Variants in UTS2 observed in about 807,000 individuals in gnomAD.
UTS2 encodes urotensin-2.
Under a neutral mutation model 12.6 loss-of-function variants are expected in UTS2, and 10 were observed. The ratio of observed to expected loss-of-function variants is 0.80; its 90% confidence interval spans 0.49 to 1.35. The LOEUF is 1.35. UTS2 is among the 40% of genes most tolerant of loss of function. UTS2 has a pLI of 0.00. For synonymous variants in UTS2, 52 were observed against 50.0 expected (o/e 1.04, Z -0.17); for missense variants, 142 against 143.2 (o/e 0.99, Z 0.04).
At chr1:7,910,545 T>C in the UTS2 span, among the ~76,000 whole-genome samples, 42 of 152,294 alleles carry the variant, frequency 2.8e-4, no homozygotes, top group East Asian at 4.6e-3. Context: ...AGCATAAAAA[T>C]TGACGTCTGT....
chr1:7,873,178 CA>C, the UTS2 span, among the ~76,000 whole-genome samples: 4 of 152,220 alleles, frequency 2.6e-5, no homozygotes, highest in South Asian at 8.3e-4. Flanking sequence ...TGCTCGCAAA[CA>C]GTGCACATGG....
At chr1:7,858,875 G>A in the UTS2 span, among the ~76,000 whole-genome samples, 18 of 152,232 alleles carry the variant, frequency 1.2e-4, no homozygotes, top group South Asian at 1.7e-3. Flanking sequence ...GAGCCACCAC[G>A]CCCAGCTGGT....
At chr1:7,860,699 G>A in the UTS2 span, among the ~76,000 whole-genome samples, 6 of 152,018 alleles carry the variant, frequency 3.9e-5, no homozygotes, top group East Asian at 9.9e-4. Context: ...CTCCCAAGGT[G>A]CTGGGATTAC....
At chr1:7,901,834 C>G in the UTS2 span, among the ~76,000 whole-genome samples, 2 of 152,148 alleles carry the variant, frequency 1.3e-5, no homozygotes, top group Admixed American at 6.6e-5. Context: ...AGGATCCACA[C>G]AGACTGGCCC....
At chr1:7,901,552 T>C in the UTS2 span, among the ~76,000 whole-genome samples, 1 of 152,162 alleles carries the variant, frequency 6.6e-6, no homozygotes, top group Admixed American at 6.6e-5. Flanking sequence ...TATGTATGTA[T>C]GTAAATATAT....
the UTS2 span, among the ~76,000 whole-genome samples, chr1:7,882,306 G>T: frequency 6.6e-5 from 10 of 152,142 alleles, no homozygotes; most frequent in Non-Finnish European, 1.3e-4. Flanking sequence ...CTGCACTCCA[G>T]CCTGGGCAAC....
At chr1:7,861,272 T>C in the UTS2 span, among the ~76,000 whole-genome samples, 164 of 152,136 alleles carry the variant, frequency 1.1e-3, 1 homozygote, top group Admixed American at 2.6e-3. Context: ...GTGATTTGGT[T>C]TGGAAGTGTT....
chr1:7,879,376 T>C, the UTS2 span, among the ~76,000 whole-genome samples: 4 of 152,072 alleles, frequency 2.6e-5, no homozygotes, highest in Non-Finnish European at 5.9e-5. Flanking sequence ...ACTACACAAA[T>C]ACATGGAAAT....
At chr1:7,887,030 G>C in the UTS2 span, among the ~76,000 whole-genome samples, 1 of 95,524 alleles carries the variant, frequency 1.0e-5, no homozygotes, top group East Asian at 3.6e-4. Context: ...GACAGGGCAA[G>C]ACTCCGTCTC....
chr1:7,857,069 G>A (rs1236739293), upstream of UTS2, among the ~76,000 whole-genome samples: 1 of 133,886 alleles, frequency 7.5e-6, no homozygotes, highest in African/African-American at 2.7e-5. Flanking sequence ...GGAAAAGAAA[G>A]AGAGAGAGAG....
At chr1:7,913,195 G>T in the UTS2 span, among the ~76,000 whole-genome samples, 1 of 151,602 alleles carries the variant, frequency 6.6e-6, no homozygotes, top group Non-Finnish European at 1.5e-5. Flanking sequence ...GGAGTTTTCG[G>T]CCTAGTCCTG....
chr1:7,891,396 G>A, the UTS2 span, among the ~76,000 whole-genome samples: 5 of 152,022 alleles, frequency 3.3e-5, no homozygotes, highest in Admixed American at 3.3e-4. Flanking sequence ...CGTGGTGGTG[G>A]GCGCTTGTAA....
chr1:7,884,683 G>A, the UTS2 span, among the ~76,000 whole-genome samples: 2 of 152,118 alleles, frequency 1.3e-5, no homozygotes, highest in African/African-American at 4.8e-5. Flanking sequence ...ATAATTAAGA[G>A]TAGCTTCATC....
chr1:7,886,046 T>TCCCAGGTGTAAGTTATCCCAGGTA, the UTS2 span, among the ~76,000 whole-genome samples: 3 of 151,490 alleles, frequency 2.0e-5, no homozygotes, highest in Non-Finnish European at 3.0e-5. Flanking sequence ...CCGCACCTGT[T>TCCCAGGTGTAAGTTATCCCAGGTA]CCCAGGTGTA....
At chr1:7,858,403 A>T (rs191929589), upstream of UTS2, among the ~76,000 whole-genome samples, 1 of 152,366 alleles carries the variant, frequency 6.6e-6, no homozygotes, top group African/African-American at 2.4e-5. Context: ...TCTGCGTGTC[A>T]TAAAGAAGTA....
chr1:7,906,469 A>AAGAAAGAG, the UTS2 span, among the ~76,000 whole-genome samples: 5 of 147,826 alleles, frequency 3.4e-5, no homozygotes, highest in Non-Finnish European at 7.4e-5. Flanking sequence ...GAAAGAAAGA[A>AAGAAAGAG]AGAAAGAAAG....
At chr1:7,870,344 T>C in the UTS2 span, among the ~76,000 whole-genome samples, 684 of 152,284 alleles carry the variant, frequency 4.5e-3, 9 homozygotes, top group African/African-American at 0.016. Context: ...AGAGAGGCCT[T>C]GTGGGGAACC....
At chr1:7,899,355 T>A in the UTS2 span, among the ~76,000 whole-genome samples, 1 of 152,202 alleles carries the variant, frequency 6.6e-6, no homozygotes, top group African/African-American at 2.4e-5. Context: ...TTTATCCTGT[T>A]TCAGCTCATA....
At chr1:7,883,599 C>T in the UTS2 span, among the ~76,000 whole-genome samples, 1 of 152,106 alleles carries the variant, frequency 6.6e-6, no homozygotes, top group African/African-American at 2.4e-5. Flanking sequence ...CCTAAATGCC[C>T]TGATTTGATC....
Sources: allele counts gnomAD v4.1 joint callset (sites outside exome capture counted in the v4.1 genomes callset), GRCh38; gene constraint gnomAD v4.1.1; transcripts MANE v1.5; gene names NCBI Gene and HGNC (gene_info 2026-07-23, HGNC 2026-07-21).